MROH2A: variants seen among roughly 807,000 people sequenced by gnomAD.
MROH2A encodes maestro heat like repeat family member 2A.
MROH2A carries 174 observed loss-of-function variants against 200.4 expected under a neutral mutation model. The ratio of observed to expected loss-of-function variants is 0.87; its 90% CI spans 0.77 to 0.98. The LOEUF is 0.98. Among genes scored for constraint, MROH2A ranks in the 50% least tolerant of loss-of-function variants. The probability of loss-of-function intolerance (pLI) is 0.00; values close to 1 mark genes in which losing one functional copy is unlikely to be tolerated. For synonymous variants in MROH2A, 829 were observed against 840.4 expected, an observed-to-expected ratio of 0.99 and a Z score of 0.23; for missense variants, 2,045 against 2,139.6, an observed-to-expected ratio of 0.96 and a Z score of 0.87.
rs28946892 is a variant in MROH2A at position 233,778,725 on chromosome 2, A to C, written c.-15+244A>C. On this transcript the variant is annotated intron_variant, in intron 1 of 41. Coordinates refer to ENST00000389758, the MANE Select transcript of MROH2A (RefSeq NM_001394639.1). ...TGAGAGATACTGATATGAATTTCTCATTAGCCATTAATTATCAGTGTGTAG... is the reference window on the plus strand; with the variant it reads ...TGAGAGATACTGATATGAATTTCTCCTTAGCCATTAATTATCAGTGTGTAG... Among the ~76,000 whole-genome samples, 128 of 152,346 alleles carry C rather than the reference A, an allele frequency of 8.4e-4. No individual in the cohort carries two copies. The East Asian group carries it at 0.019, about 23-fold the overall frequency.
intron 25 of MROH2A, 48 bp from the exon 26 acceptor site, chr2:233,814,534 G>C: frequency 7.1e-7 from 1 of 1,402,678 alleles, no homozygotes; most frequent in Non-Finnish European, 9.9e-7. Context: ...GAGGGGGGTT[G>C]TGGGTGCCCC....
In MROH2A at chr2:233,793,732, T is replaced by C. The variant is rs1411580518; in HGVS notation, c.730T>C (p.Tyr244His). The C allele has an allele frequency of 6.7e-7, 1 of 1,495,416 alleles. No individual in the cohort carries two copies. Among genetic ancestry groups the C allele is most frequent in the Non-Finnish European group, 8.9e-7 (1 of 1,119,982 alleles). The allele number at this position is 1,495,416 out of a possible 1,614,324, so 92.6% of individuals were successfully genotyped here. ...FYLKHLEESV[Y>H]PVMTEEEFAL... ...TCTGAAGCACCTGGAGGAGAGCGTG[T>C]ACCCCGTGATGACTGAGGAGGAGTT... The change falls in exon 7 of 42, where the codon TAC becomes CAC. Residue 244 changes from tyrosine to histidine, a missense_variant. Physicochemically the swap from Tyr to His is moderately conservative, Grantham distance 83. Coordinates refer to ENST00000389758, the MANE Select transcript of MROH2A (RefSeq NM_001394639.1).
intron 13 of MROH2A, 52 bp from the exon 14 acceptor site, chr2:233,800,153 C>T (rs1702366284): frequency 1.2e-5 from 17 of 1,365,298 alleles, no homozygotes; most frequent in East Asian, 5.0e-5. Context: ...CCTGAGACCA[C>T]GACAAACCTC....
At chr2:233,797,033 A>G (rs1702159179) in intron 11 of MROH2A, among the ~76,000 whole-genome samples, 1 of 152,250 alleles carries the variant, frequency 6.6e-6, no homozygotes, top group African/African-American at 2.4e-5. Context: ...GCCAGAGAGT[A>G]AAAATATTTT....
rs1199318286 is a variant in MROH2A, at chr2:233,828,170, T to C, written c.4114-460T>C. Among the ~76,000 whole-genome samples the C allele has an allele frequency of 1.3e-5, 2 of 152,214 alleles. No homozygotes were observed. The highest frequency in any genetic ancestry group is 2.9e-5 in the Non-Finnish European group (2 of 68,044). On this transcript the variant is annotated intron_variant, in intron 35 of 41. Transcript: ENST00000389758. This position sits in a 1 kb window ranked among gnomAD's most constrained non-coding sequence, Gnocchi z 4.6. ...TTAGTTTTCAGGCCTCTTTCAAACA[T>C]ACTCAGGTACTTGCATGCACACATG... is the stretch of plus-strand genomic sequence containing the variant.
At chr2:233,795,853 C>G in intron 9 of MROH2A, 108 bp downstream of exon 9, 1 of 1,540,488 alleles carries the variant, frequency 6.5e-7, no homozygotes, top group South Asian at 1.2e-5. Flanking sequence ...CTTCCTTTAT[C>G]CTGATGGGGT....
At chr2:233,826,542 C>T (rs1704320981) in intron 35 of MROH2A, among the ~76,000 whole-genome samples, 1 of 152,128 alleles carries the variant, frequency 6.6e-6, no homozygotes, top group Non-Finnish European at 1.5e-5. Context: ...AAACTGGACC[C>T]CTTTCTCACA....
At chr2:233,790,870 T>C (rs1389399899) in intron 5 of MROH2A, among the ~76,000 whole-genome samples, 3 of 151,684 alleles carry the variant, frequency 2.0e-5, no homozygotes, top group Non-Finnish European at 4.4e-5. Context: ...TAACAGGAGG[T>C]GACGGGTATG....
intron 3 of MROH2A, among the ~76,000 whole-genome samples, chr2:233,788,221 CGTT>C (rs529495552): frequency 1.1e-4 from 14 of 124,156 alleles, no homozygotes; most frequent in African/African-American, 2.8e-4. Flanking sequence ...ATTAAAGTCT[CGTT>C]GGGGTGTGAT....
intron 3 of MROH2A, among the ~76,000 whole-genome samples, chr2:233,783,343 C>T (rs907413767): frequency 2.0e-5 from 3 of 152,172 alleles, no homozygotes; most frequent in East Asian, 1.9e-4. Context: ...TGAATCCATC[C>T]GGTCCTGGGC....
intron 35 of MROH2A, among the ~76,000 whole-genome samples, chr2:233,825,571 T>A (rs996206982): frequency 6.6e-6 from 1 of 152,206 alleles, no homozygotes; most frequent in Admixed American, 6.5e-5. Context: ...CCTATTGAGA[T>A]AATCATGTGG....
intron 35 of MROH2A, among the ~76,000 whole-genome samples, chr2:233,827,935 C>A (rs1704426696): frequency 6.6e-6 from 1 of 151,962 alleles, no homozygotes; most frequent in East Asian, 1.9e-4. Flanking sequence ...TGAATAGGTG[C>A]TCAGTATATG....
chr2:233,783,791 C>T (rs751310578), intron 3 of MROH2A, among the ~76,000 whole-genome samples: 6 of 152,162 alleles, frequency 3.9e-5, no homozygotes, highest in Non-Finnish European at 4.4e-5. Context: ...CTGCCCACTT[C>T]GGCCGCCCAA....
chr2:233,794,389 G>C lies in MROH2A; in HGVS notation c.849G>C (p.Leu283=). 1 of 1,550,434 alleles carries C rather than the reference G, an allele frequency of 6.4e-7. No individual in the cohort carries two copies. The highest frequency in any genetic ancestry group is 8.7e-7 in the Non-Finnish European group (1 of 1,146,940). The change falls in exon 8 of 42, where the codon CTG becomes CTC. Residue 283 remains leucine (L), a synonymous_variant. Transcript: ENST00000389758. ...TGAAGCTGGGGGTGATCAAGTCCCT[G>C]AAGCCCATGCTCGGCCTCCTTCTGC... The part of the protein sequence containing the change: ...PEVKLGVIKS[L]KPMLGLLLPN...
At chr2:233,810,641 C>T (rs762987315) in intron 22 of MROH2A, among the ~76,000 whole-genome samples, 153 bp from the exon 23 acceptor site, 16 of 152,192 alleles carry the variant, frequency 1.1e-4, no homozygotes, top group Non-Finnish European at 2.1e-4. Flanking sequence ...TTCATGTGGT[C>T]GAAGGACAGA....
chr2:233,805,670 A>G (rs1702746565), intron 19 of MROH2A, among the ~76,000 whole-genome samples: 1 of 152,236 alleles, frequency 6.6e-6, no homozygotes, highest in African/African-American at 2.4e-5. Context: ...CAACTGCAGT[A>G]AAACTCCTTA....
intron 38 of MROH2A, among the ~76,000 whole-genome samples, chr2:233,830,844 C>T (rs1290059617): frequency 1.3e-5 from 2 of 152,242 alleles, no homozygotes; most frequent in Non-Finnish European, 2.9e-5. Context: ...TCCTCACCAC[C>T]CTCTGTCTTC....
rs1183469099 is a variant in MROH2A, at chr2:233,789,584, A to G, written c.364A>G (p.Arg122Gly). 2.7e-6 allele frequency: 4 copies of G among 1,495,486 alleles called. No homozygotes were observed. In the Admixed American group the frequency reaches 9.4e-5, roughly 35 times the overall value. The allele number at this position is 1,495,486 out of a possible 1,614,324, so 92.6% of individuals were successfully genotyped here. ...EGELEEQCVQ[R>G]LVAIASKEMR... ...GGAGCTGGAGGAGCAGTGCGTGCAG[A>G]GGCTGGTGGCCATTGCCTCCAAGGA... The change falls in exon 4 of 42, where the codon AGG becomes GGG. Residue 122 changes from arginine (R) to glycine (G), a missense_variant. This residue lies in a region of MROH2A where 831 missense variants were observed against 800.0 expected (regional missense o/e 1.04). Transcript: ENST00000389758.
Position 233,829,821 on chromosome 2 carries a change from T to C in MROH2A, c.4602+46T>C, listed in dbSNP as rs574249559. The C allele has an allele frequency of 5.7e-5, 73 of 1,286,568 alleles. No individual in the cohort carries two copies. In the East Asian group the frequency reaches 1.7e-3, roughly 30 times the overall value. The allele number at this position is 1,286,568 out of a possible 1,614,324, so 79.7% of individuals were successfully genotyped here. ...TGTGTCCCAGTCTGGGGCCCGCTGT[T>C]CCCCGAGGAAACAGGTCCTTGGGTC... On this transcript the variant is annotated intron_variant, in intron 38 of 41. Transcript: ENST00000389758.
Sources: allele counts gnomAD v4.1 joint callset (sites outside exome capture counted in the v4.1 genomes callset), GRCh38; gene constraint gnomAD v4.1.1; regional missense constraint gnomAD v4.1.1; non-coding constraint Gnocchi (gnomAD v3.1); transcripts MANE v1.5; gene names NCBI Gene and HGNC (gene_info 2026-07-23, HGNC 2026-07-21).